The following ACSM3 variants were observed in gnomAD, a reference collection of about 807,000 sequenced individuals.
ACSM3 encodes acyl-coenzyme A synthetase ACSM3, mitochondrial.
In ACSM3, 61 loss-of-function variants were observed where a neutral mutation model predicts 74.1. The observed-to-expected ratio is 0.82, with a 90% CI of 0.67 to 1.02. ACSM3 has a LOEUF of 1.02. Among genes scored for constraint, ACSM3 ranks in the 50% least tolerant of loss-of-function variants. The probability of loss-of-function intolerance (pLI) is 0.00; values close to 1 mark genes in which losing one functional copy is unlikely to be tolerated. For missense variants in ACSM3, 660 were observed against 697.0 expected (o/e 0.95, Z 0.60); for synonymous variants, 213 against 241.5 (o/e 0.88, Z 1.09).
At chr16:20,733,833 C>T (rs1335127890) in intron 1 of ACSM3, 1 of 152,054 alleles carries the variant, frequency 6.6e-6, no homozygotes, top group Non-Finnish European at 1.5e-5. Context: ...ACATTCTTTC[C>T]TCTATGGAGC....
intron 1 of ACSM3, among the ~76,000 whole-genome samples, chr16:20,765,882 C>T (rs549432995): frequency 2.6e-5 from 4 of 152,160 alleles, no homozygotes; most frequent in Non-Finnish European, 5.9e-5. Flanking sequence ...CTAAAAGGTC[C>T]CTTTTCTCCC....
intron 1 of ACSM3, among the ~76,000 whole-genome samples, chr16:20,714,741 G>A (rs930914101): frequency 1.3e-5 from 2 of 152,244 alleles, no homozygotes; most frequent in Admixed American, 6.5e-5. Context: ...TTTACAGTTG[G>A]ACATACAAGA....
At chr16:20,771,205 G>A (rs570808358) in intron 2 of ACSM3, among the ~76,000 whole-genome samples, 2 of 152,142 alleles carry the variant, frequency 1.3e-5, no homozygotes, top group African/African-American at 2.4e-5. Context: ...GGGACTACAG[G>A]CACCTGCCAC....
At chr16:20,729,168 G>A in intron 1 of ACSM3, 1 of 617,826 alleles carries the variant, frequency 1.6e-6, no homozygotes, top group Non-Finnish European at 3.0e-6. Context: ...GTCACTTAAT[G>A]AGTGTTATAC....
At position 20,695,002 on chromosome 16, in the gene ACSM3, A is replaced by T. The variant is rs145388870; in HGVS notation, c.-190+20180A>T. Among the ~76,000 whole-genome samples, 641 of 152,288 alleles carry T rather than the reference A, an allele frequency of 4.2e-3. 4 individuals carry two copies. Among genetic ancestry groups the T allele is most frequent in the Non-Finnish European group, 7.2e-3 (489 of 68,016 alleles). Reference sequence around the variant, plus strand: ...GAGAAAATCAATTTCTGTTGTTTAAACCACTCAGTCATTAGTAATTTTCAT... The same window carrying T: ...GAGAAAATCAATTTCTGTTGTTTAATCCACTCAGTCATTAGTAATTTTCAT... On this transcript the variant is annotated intron_variant, in intron 1 of 3. Coordinates refer to the ACSM3 transcript ENST00000561584.
At chr16:20,754,621 A>C (rs12926853) in intron 2 of ACSM3, among the ~76,000 whole-genome samples, 74,023 of 152,038 alleles carry the variant, frequency 0.49, 18,960 homozygotes, top group Non-Finnish European at 0.58. Context: ...ATTACTTCCC[A>C]TTTGGAGCTG....
chr16:20,769,558 A>C (rs1252488206), intron 1 of ACSM3, among the ~76,000 whole-genome samples: 7 of 152,346 alleles, frequency 4.6e-5, no homozygotes, highest in African/African-American at 1.7e-4. Context: ...TTTCTACCCT[A>C]CTTTGAAATC....
chr16:20,780,630 G>T, intron 4 of ACSM3, 84 bp from the exon 5 acceptor site: 1 of 1,613,372 alleles, frequency 6.2e-7, no homozygotes. Context: ...AGAGGTTCAA[G>T]TGGAGAGCTT....
At chr16:20,696,632 A>G (rs994955010) in intron 1 of ACSM3, among the ~76,000 whole-genome samples, 1 of 152,222 alleles carries the variant, frequency 6.6e-6, no homozygotes, top group Admixed American at 6.5e-5. Flanking sequence ...AGCACATCCT[A>G]TGAAATCATT....
chr16:20,691,150 G>T, intron 1 of ACSM3: 1 of 1,612,264 alleles, frequency 6.2e-7, no homozygotes, highest in African/African-American at 1.3e-5. Context: ...AGGATTTGTG[G>T]ATGCCCCAGA....
chr16:20,738,703 A>C (rs552914613), intron 1 of ACSM3: 1 of 602,710 alleles, frequency 1.7e-6, no homozygotes, highest in East Asian at 2.8e-5. Flanking sequence ...CCAGGTTTCC[A>C]CTCATAAGCC....
intron 4 of ACSM3, among the ~76,000 whole-genome samples, chr16:20,778,196 G>A (rs569262652): frequency 6.6e-6 from 1 of 152,194 alleles, no homozygotes; most frequent in Non-Finnish European, 1.5e-5. Flanking sequence ...TAATGTTAAT[G>A]GATGCAATTA....
chr16:20,707,238 C>A (rs1321841163), intron 1 of ACSM3, among the ~76,000 whole-genome samples: 3 of 152,164 alleles, frequency 2.0e-5, no homozygotes, highest in Non-Finnish European at 4.4e-5. Flanking sequence ...AGCTACAGAT[C>A]GAGAGCATGG....
At chr16:20,679,196 A>C (rs991003803) in intron 1 of ACSM3, 1 of 152,258 alleles carries the variant, frequency 6.6e-6, no homozygotes, top group Non-Finnish European at 1.5e-5. Flanking sequence ...TAGCTGGCTG[A>C]AACTAGCAGC....
chr16:20,742,805 ATATATATATT>A (rs2079938991), intron 1 of ACSM3, among the ~76,000 whole-genome samples: 1 of 56,356 alleles, frequency 1.8e-5, no homozygotes, highest in African/African-American at 4.7e-5. Context: ...ATATATATAT[ATATATATATT>A]TTTTTTTTTT....
chr16:20,724,013 G>A (rs1370111206), intron 1 of ACSM3, among the ~76,000 whole-genome samples: 1 of 152,134 alleles, frequency 6.6e-6, no homozygotes, highest in Non-Finnish European at 1.5e-5. Flanking sequence ...TATGGTTTTA[G>A]GTCTAACATG....
chr16:20,745,622 G>A (rs1342490906), intron 1 of ACSM3, among the ~76,000 whole-genome samples: 1 of 151,858 alleles, frequency 6.6e-6, no homozygotes, highest in Non-Finnish European at 1.5e-5. Context: ...GAGACCACTT[G>A]GCACCTTGTG....
intron 6 of ACSM3, 109 bp downstream of exon 6, chr16:20,781,239 A>G (rs773093336): frequency 1.2e-4 from 161 of 1,334,866 alleles, no homozygotes; most frequent in Non-Finnish European, 1.6e-4. Context: ...AATATGATTT[A>G]AGATATGTCA....
chr16:20,683,715 C>CTCTCTTTCTT (rs1555477280), intron 1 of ACSM3, among the ~76,000 whole-genome samples: 17 of 136,380 alleles, frequency 1.2e-4, no homozygotes, highest in South Asian at 1.2e-3. Flanking sequence ...CTCTCTCTCT[C>CTCTCTTTCTT]TCTTTCTTTC....
Sources: allele counts gnomAD v4.1 joint callset (sites outside exome capture counted in the v4.1 genomes callset), GRCh38; gene constraint gnomAD v4.1.1; transcripts MANE v1.5; gene names NCBI Gene and HGNC (gene_info 2026-07-23, HGNC 2026-07-21).